The following TLN2 variants were observed in gnomAD, a reference collection of about 807,000 sequenced individuals.
TLN2 encodes the protein talin-2.
In TLN2, 118 loss-of-function variants were observed where a neutral mutation model predicts 294.7. The ratio of observed to expected loss-of-function variants is 0.40; its 90% confidence interval spans 0.34 to 0.47. The LOEUF (loss-of-function observed/expected upper bound fraction) is 0.47. TLN2 is among the 20% of genes least tolerant of loss of function. TLN2 has a pLI of 0.84. For missense variants in TLN2, 3,083 were observed against 3,282.2 expected (o/e 0.94, Z 1.48); for synonymous variants, 1,431 against 1,304.5 (o/e 1.10, Z -2.09).
rs577106530 is a variant in TLN2, at chr15:62,632,446, G to T, written c.-37+13971G>T. ...CAGAGTGACCTAGGCTCTTATTCCA[G>T]ACTTGTCACCCTGTACTGCTTGCTA... On this transcript the variant is annotated intron_variant, in intron 3 of 58. Coordinates refer to ENST00000636159, the MANE Select transcript of TLN2 (RefSeq NM_015059.3). Among the ~76,000 whole-genome samples the T allele has an allele frequency of 9.9e-5, 15 of 152,276 alleles. No individual in the cohort carries two copies. In the East Asian group the frequency reaches 2.9e-3, roughly 29 times the overall value.
intron 2 of TLN2, among the ~76,000 whole-genome samples, chr15:62,602,873 T>C (rs997375335): frequency 1.3e-5 from 2 of 151,542 alleles, no homozygotes; most frequent in Non-Finnish European, 2.9e-5. Flanking sequence ...TTGCTTTTTT[T>C]TTTTTTTTAA....
chr15:62,812,871 A>T (rs1007740417), intron 52 of TLN2, among the ~76,000 whole-genome samples: 1 of 152,240 alleles, frequency 6.6e-6, no homozygotes, highest in Non-Finnish European at 1.5e-5. Context: ...TAGGAACATT[A>T]TAGAAGGTCT....
At chr15:62,688,814 C>T (rs1229029700) in intron 12 of TLN2, among the ~76,000 whole-genome samples, 1 of 152,058 alleles carries the variant, frequency 6.6e-6, no homozygotes, top group East Asian at 1.9e-4. Flanking sequence ...TTGACATAGC[C>T]ACCAATGCTT....
At chr15:62,702,371 AG>A (rs1293516850) in intron 18 of TLN2, among the ~76,000 whole-genome samples, 171 bp downstream of exon 18, 1 of 152,214 alleles carries the variant, frequency 6.6e-6, no homozygotes. Flanking sequence ...ATCCACATTC[AG>A]GAGTGGTTGA....
chr15:62,391,154 C>T lies in TLN2; in HGVS notation c.-238+469C>T, dbSNP rs904149143. Among the ~76,000 whole-genome samples, 3 of 152,362 alleles carry T rather than the reference C, an allele frequency of 2.0e-5. No homozygotes were observed. The East Asian group carries it at 5.8e-4, about 29-fold the overall frequency. ...TTGGCGCTGGAGGAGCAGCTTCATT[C>T]CAGCACTGGCCGCCGGGACTCCAGC... On this transcript the variant is annotated intron_variant, in intron 1 of 58. Transcript: ENST00000636159.
At chr15:62,501,163 T>G (rs1302795688) in intron 1 of TLN2, among the ~76,000 whole-genome samples, 3 of 152,234 alleles carry the variant, frequency 2.0e-5, no homozygotes, top group Non-Finnish European at 4.4e-5. Flanking sequence ...TTGGGACAGG[T>G]AAGCCTCCCT....
intron 1 of TLN2, among the ~76,000 whole-genome samples, chr15:62,575,446 T>C (rs2044303454): frequency 6.6e-6 from 1 of 152,242 alleles, no homozygotes; most frequent in Admixed American, 6.5e-5. Flanking sequence ...TAAATCACTT[T>C]GTCCAATTGC....
intron 21 of TLN2, among the ~76,000 whole-genome samples, chr15:62,709,392 C>A (rs1380060140): frequency 6.6e-6 from 1 of 152,116 alleles, no homozygotes; most frequent in East Asian, 1.9e-4. Context: ...CTGGGGTGAT[C>A]CACGCAGAGG....
chr15:62,819,660 C>CCA, intron 53 of TLN2, 39 bp downstream of exon 53: 1 of 1,568,788 alleles, frequency 6.4e-7, no homozygotes, highest in Non-Finnish European at 8.7e-7. Flanking sequence ...GGGCAACCCT[C>CCA]CCAGGCAGTG....
intron 1 of TLN2, among the ~76,000 whole-genome samples, chr15:62,535,467 T>TACAC (rs35591215): frequency 0.062 from 9,275 of 148,946 alleles, 441 homozygotes; most frequent in African/African-American, 0.13. Context: ...TGTCTGTGTG[T>TACAC]ACACACACAC....
At chr15:62,495,352 A>G (rs1436867080) in intron 1 of TLN2, among the ~76,000 whole-genome samples, 1 of 152,204 alleles carries the variant, frequency 6.6e-6, no homozygotes, top group Non-Finnish European at 1.5e-5. Context: ...CTTTCTCCCC[A>G]GAGAGAATGC....
chr15:62,665,488 A>G (rs914904038), intron 9 of TLN2, among the ~76,000 whole-genome samples: 3 of 152,320 alleles, frequency 2.0e-5, no homozygotes, highest in Admixed American at 6.5e-5. Context: ...GAAAGGTTCC[A>G]TGAGTCTGCG....
Position 62,800,449 on chromosome 15 carries a change from C to T in TLN2, c.6316C>T (p.Pro2106Ser). 2 of 1,614,218 alleles carry T rather than the reference C, an allele frequency of 1.2e-6. No individual in the cohort carries two copies. Among genetic ancestry groups the T allele is most frequent in the South Asian group, 2.2e-5 (2 of 91,080 alleles). ...TGCTACCAAGGGAGCTGCCAGCAAG[C>T]CAGTGGACGACCCTTCCATGTACCA... The part of the protein sequence containing the change: ...ISATKGAASK[P>S]VDDPSMYQLK... The change falls in exon 49 of 59, where the codon CCA becomes TCA. Residue 2106 changes from proline to serine, a missense_variant. Transcript: ENST00000636159.
intron 18 of TLN2, among the ~76,000 whole-genome samples, chr15:62,702,460 C>T (rs1419081025): frequency 2.6e-5 from 4 of 152,188 alleles, no homozygotes; most frequent in South Asian, 2.1e-4. Flanking sequence ...ATGACTAATA[C>T]GCATTTAAGG....
intron 55 of TLN2, 78 bp from the exon 56 acceptor site, chr15:62,835,659 A>G: frequency 6.5e-7 from 1 of 1,543,468 alleles, no homozygotes; most frequent in Non-Finnish European, 8.9e-7. Context: ...CTGGTTCCCG[A>G]GCAAGGTCTG....
intron 1 of TLN2, among the ~76,000 whole-genome samples, chr15:62,442,324 G>C (rs566433104): frequency 1.3e-5 from 2 of 151,692 alleles, no homozygotes; most frequent in South Asian, 2.1e-4. Flanking sequence ...GTGAAACCCC[G>C]TCTCTACTAA....
At chr15:62,746,969 G>A (rs1344569720) in intron 32 of TLN2, among the ~76,000 whole-genome samples, 3 of 152,112 alleles carry the variant, frequency 2.0e-5, no homozygotes, top group African/African-American at 7.2e-5. Context: ...TTAAGACAGC[G>A]TGGTATCGAC....
At chr15:62,737,132 C>A in intron 29 of TLN2, 46 bp downstream of exon 29, 1 of 1,599,714 alleles carries the variant, frequency 6.3e-7, no homozygotes, top group African/African-American at 1.3e-5. Flanking sequence ...TCATCATTAA[C>A]GTGGACATGT....
chr15:62,436,686 G>A (rs1032050412), intron 1 of TLN2, among the ~76,000 whole-genome samples: 2 of 152,110 alleles, frequency 1.3e-5, no homozygotes, highest in African/African-American at 4.8e-5. Context: ...GTTGTGTATG[G>A]CTTGGTTATT....
Sources: allele counts gnomAD v4.1 joint callset (sites outside exome capture counted in the v4.1 genomes callset), GRCh38; gene constraint gnomAD v4.1.1; transcripts MANE v1.5; gene names NCBI Gene and HGNC (gene_info 2026-07-23, HGNC 2026-07-21).